TNKS2: variants seen among roughly 807,000 people sequenced by gnomAD.
TNKS2 encodes poly [ADP-ribose] polymerase tankyrase-2.
A neutral mutation model predicts 137.6 loss-of-function variants in TNKS2; 72 were observed. The observed-to-expected ratio is 0.52, with a 90% CI of 0.43 to 0.64. TNKS2 has a LOEUF of 0.64. TNKS2 is among the 30% of genes least tolerant of loss of function. TNKS2 has a pLI of 0.00. For missense variants in TNKS2, 1,049 were observed against 1,410.2 expected, an observed-to-expected ratio of 0.74 and a Z score of 4.10; for synonymous variants, 516 against 512.1, an observed-to-expected ratio of 1.01 and a Z score of -0.10.
intron 11 of TNKS2, among the ~76,000 whole-genome samples, chr10:91,833,030 T>G (rs1236726669): frequency 6.6e-6 from 1 of 152,096 alleles, no homozygotes; most frequent in East Asian, 1.9e-4. Context: ...TCAACTAGAG[T>G]TTAATCTTTG....
At chr10:91,825,955 C>T (rs1486680971) in intron 7 of TNKS2, among the ~76,000 whole-genome samples, 1 of 152,198 alleles carries the variant, frequency 6.6e-6, no homozygotes, top group East Asian at 1.9e-4. Flanking sequence ...TCTACCATGA[C>T]AGCATATGTG....
At chr10:91,841,974 A>G (rs927489394) in intron 15 of TNKS2, among the ~76,000 whole-genome samples, 198 bp from the exon 16 acceptor site, 1 of 152,114 alleles carries the variant, frequency 6.6e-6, no homozygotes, top group Non-Finnish European at 1.5e-5. Flanking sequence ...TAAAAAATCC[A>G]GTAATATTTA....
At chr10:91,801,260 G>C (rs1844155971) in intron 1 of TNKS2, among the ~76,000 whole-genome samples, 1 of 152,156 alleles carries the variant, frequency 6.6e-6, no homozygotes, top group Non-Finnish European at 1.5e-5. Flanking sequence ...CACCAAGAGA[G>C]TTAAATTCTG....
intron 9 of TNKS2, among the ~76,000 whole-genome samples, chr10:91,829,464 G>GT (rs1184508392): frequency 1.3e-5 from 2 of 152,174 alleles, no homozygotes; most frequent in Admixed American, 1.3e-4. Flanking sequence ...AGTTGTGTTG[G>GT]TGAGTAGTTA....
chr10:91,844,329 A>G (rs1042593430), intron 16 of TNKS2, among the ~76,000 whole-genome samples: 32 of 152,184 alleles, frequency 2.1e-4, no homozygotes, highest in African/African-American at 7.5e-4. Flanking sequence ...TCCTTTAGCA[A>G]AAGGATAAAA....
chr10:91,832,131 G>C (rs1018266919), intron 11 of TNKS2, among the ~76,000 whole-genome samples: 1 of 152,038 alleles, frequency 6.6e-6, no homozygotes, highest in Non-Finnish European at 1.5e-5. Context: ...GGGAATTCTT[G>C]ATAATGTATA....
intron 24 of TNKS2, among the ~76,000 whole-genome samples, chr10:91,858,616 A>C (rs1842774592): frequency 6.6e-6 from 1 of 152,222 alleles, no homozygotes. Context: ...GCAGGGGGTG[A>C]GGGAAAGCAC....
At chr10:91,801,398 A>G (rs1006791063) in intron 1 of TNKS2, among the ~76,000 whole-genome samples, 1 of 152,102 alleles carries the variant, frequency 6.6e-6, no homozygotes, top group Non-Finnish European at 1.5e-5. Context: ...TAGGAGAAAA[A>G]TGACTCTGTA....
chr10:91,858,822 A>G (rs1842780502), intron 24 of TNKS2, among the ~76,000 whole-genome samples: 1 of 152,170 alleles, frequency 6.6e-6, no homozygotes, highest in Non-Finnish European at 1.5e-5. Flanking sequence ...CAGCCTGACC[A>G]ATATGTTGAA....
chr10:91,857,400 G>T (rs746373646), intron 23 of TNKS2, 25 bp from the exon 24 acceptor site: 10 of 1,534,282 alleles, frequency 6.5e-6, no homozygotes, highest in East Asian at 4.5e-5. Context: ...CTAAAGATTT[G>T]ATTTTTCTGG....
At chr10:91,802,367 A>G (rs1480851108) in intron 1 of TNKS2, among the ~76,000 whole-genome samples, 1 of 152,242 alleles carries the variant, frequency 6.6e-6, no homozygotes, top group Non-Finnish European at 1.5e-5. Context: ...AAGAATCACA[A>G]AGAGTGAGTG....
rs1462250859 is a variant in TNKS2, at chr10:91,807,290, C to T, written c.200-5693C>T. ...CATCTTGAGCTTGGTCTGTTTTATA[C>T]ACCAAACAAACTAAATCATCTGTTA... On this transcript the variant is annotated intron_variant, in intron 1 of 26. Coordinates refer to ENST00000371627, the MANE Select transcript of TNKS2 (RefSeq NM_025235.4). 6 of 1,612,914 alleles carry T rather than the reference C, an allele frequency of 3.7e-6. No homozygotes were observed. In the East Asian group the frequency reaches 1.1e-4, roughly 30 times the overall value.
At position 91,836,924 on chromosome 10, in the gene TNKS2, A is replaced by C. The variant is rs765506881; in HGVS notation, c.1453A>C (p.Ile485Leu). 1 of 1,612,468 alleles carries C rather than the reference A, an allele frequency of 6.2e-7. No homozygotes were observed. Among genetic ancestry groups the C allele is most frequent in the South Asian group, 1.1e-5 (1 of 90,786 alleles). The change falls in exon 13 of 27, where the codon ATC becomes CTC. Residue 485 changes from isoleucine to leucine, a missense_variant. Ile to Leu is a conservative substitution (Grantham distance 5). Transcript: ENST00000371627. The part of the protein sequence containing the change: ...ENVQQLLQEG[I>L]SLGNSEADRQ... ...TCTCTCTCTCTCTTTTTTAGAGGGTATCTCATTAGGTAATTCAGAGGCAGA... is the reference window on the plus strand; with the variant it reads ...TCTCTCTCTCTCTTTTTTAGAGGGTCTCTCATTAGGTAATTCAGAGGCAGA...
In TNKS2 at chr10:91,859,584, T is replaced by C. The variant is rs200883409; in HGVS notation, c.3217T>C (p.Tyr1073His). The C allele has an allele frequency of 6.8e-5, 109 of 1,613,914 alleles. No individual in the cohort carries two copies. The highest frequency in any genetic ancestry group is 9.1e-5 in the Non-Finnish European group (107 of 1,179,958). ...CTCTTCCAAAAGCAATCAATATGTA[T>C]ATGGAATTGGAGGAGGTACTGGGTG... ...ENSSKSNQYVYGIGGGTGCPV... is the reference protein window; with the variant it reads ...ENSSKSNQYVHGIGGGTGCPV... Residue 1073 changes from tyrosine to histidine, a missense_variant, in exon 25 of 27, where the codon TAT becomes CAT. Coordinates refer to ENST00000371627, the MANE Select transcript of TNKS2 (RefSeq NM_025235.4).
chr10:91,845,377 G>A (rs1433135227), intron 17 of TNKS2, among the ~76,000 whole-genome samples: 1 of 152,204 alleles, frequency 6.6e-6, no homozygotes, highest in Non-Finnish European at 1.5e-5. Flanking sequence ...ACTTATCATA[G>A]TCCAATGTGA....
In TNKS2 at chr10:91,823,319, G is replaced by GGT. The variant is rs796086072; in HGVS notation, c.795+958_795+959dup. ...TTTTTTGTTGTTTTTTTGGTTTTTT[G>GGT]GTTTTTTTTTTTTTTTTTTTTTTTT... On this transcript the variant is annotated intron_variant, in intron 7 of 26. Coordinates refer to ENST00000371627, the MANE Select transcript of TNKS2 (RefSeq NM_025235.4). Among the ~76,000 whole-genome samples, 7 of 93,412 alleles carry GGT rather than the reference G, an allele frequency of 7.5e-5. 2 individuals are homozygous for GGT. The highest frequency in any genetic ancestry group is 2.0e-5 in the Non-Finnish European group (1 of 51,102). 61.3% of individuals were successfully genotyped at this position (93,412 alleles called of 152,430 possible).
rs1409235180 is a variant in TNKS2 at position 91,857,550 on chromosome 10, A to G, written c.3094+20A>G. On this transcript the variant is annotated intron_variant, in intron 24 of 26. Transcript: ENST00000371627. ...TTCATGGTAAGATTCCTCCCCACCA[A>G]CTCTACCACTGTCTTCCACATTAGG... 6 of 1,495,664 alleles carry G rather than the reference A, an allele frequency of 4.0e-6. No homozygotes were observed. Among genetic ancestry groups the G allele is most frequent in the Non-Finnish European group, 5.6e-6 (6 of 1,076,852 alleles). 92.6% of individuals were successfully genotyped at this position (1,495,664 alleles called of 1,614,324 possible).
chr10:91,822,723 G>A (rs1339402083), intron 7 of TNKS2, among the ~76,000 whole-genome samples: 5 of 151,420 alleles, frequency 3.3e-5, no homozygotes, highest in East Asian at 2.0e-4. Flanking sequence ...GCGCCATCAC[G>A]CCCAGCTAAG....
In TNKS2 at chr10:91,798,922, C is replaced by T. The variant is rs1053515251; in HGVS notation, c.199+33C>T. 9.6e-5 allele frequency: 129 copies of T among 1,340,276 alleles called. 1 individual carries two copies. In the East Asian group the frequency reaches 4.0e-3, roughly 42 times the overall value. The allele number at this position is 1,340,276 out of a possible 1,614,324, so 83.0% of individuals were successfully genotyped here. On this transcript the variant is annotated intron_variant, in intron 1 of 26. Transcript: ENST00000371627. Reference sequence around the variant, plus strand: ...GGGCCAGCGTCCCCTCGCCTCGCTCCAGACCCCACCTGCGCAGCCGGGGCC... The same window carrying T: ...GGGCCAGCGTCCCCTCGCCTCGCTCTAGACCCCACCTGCGCAGCCGGGGCC...
Sources: allele counts gnomAD v4.1 joint callset (sites outside exome capture counted in the v4.1 genomes callset), GRCh38; gene constraint gnomAD v4.1.1; transcripts MANE v1.5; gene names NCBI Gene and HGNC (gene_info 2026-07-23, HGNC 2026-07-21).